The following GRAMD1C variants were observed in gnomAD, a reference collection of about 807,000 sequenced individuals.
GRAMD1C encodes the protein GRAM domain containing 1C, also known as protein Aster-C.
In GRAMD1C, 89 loss-of-function variants were observed where a neutral mutation model predicts 97.8. That is an observed-to-expected ratio of 0.91 (90% confidence interval 0.77 to 1.09). The LOEUF (loss-of-function observed/expected upper bound fraction) is 1.09. GRAMD1C is among the 50% of genes least tolerant of loss of function. The pLI is 0.00. For missense variants in GRAMD1C, 740 were observed against 766.4 expected, an observed-to-expected ratio of 0.97 and a Z score of 0.41; for synonymous variants, 256 against 267.0, an observed-to-expected ratio of 0.96 and a Z score of 0.40.
chr3:113,932,915 C>A (rs564933491), intron 11 of GRAMD1C, among the ~76,000 whole-genome samples: 73 of 144,396 alleles, frequency 5.1e-4, no homozygotes, highest in Non-Finnish European at 8.8e-4. Flanking sequence ...CAGAGTCTTG[C>A]TGTGTCTCCC....
intron 13 of GRAMD1C, among the ~76,000 whole-genome samples, chr3:113,935,501 T>C (rs6780445): frequency 0.059 from 6,193 of 105,610 alleles, 418 homozygotes; most frequent in African/African-American, 0.17. Context: ...TATATATATA[T>C]ACACACACAC....
At chr3:113,920,448 T>A (rs1016537907) in intron 10 of GRAMD1C, among the ~76,000 whole-genome samples, 1 of 152,250 alleles carries the variant, frequency 6.6e-6, no homozygotes, top group African/African-American at 2.4e-5. Flanking sequence ...TTGTTTTTAC[T>A]TCACACTTTG....
intron 6 of GRAMD1C, among the ~76,000 whole-genome samples, chr3:113,892,699 A>G (rs1193811202): frequency 6.6e-6 from 1 of 152,196 alleles, no homozygotes; most frequent in East Asian, 1.9e-4. Context: ...AGCATTGAAT[A>G]TCTGGGATTT....
chr3:113,936,484 T>C, intron 14 of GRAMD1C, 42 bp downstream of exon 14: 2 of 1,327,596 alleles, frequency 1.5e-6, no homozygotes, highest in East Asian at 2.3e-5. Flanking sequence ...ATTTTTACTT[T>C]AGTTATATGA....
intron 6 of GRAMD1C, among the ~76,000 whole-genome samples, chr3:113,894,316 T>C (rs1476699234): frequency 2.0e-5 from 3 of 152,132 alleles, no homozygotes; most frequent in Non-Finnish European, 4.4e-5. Flanking sequence ...TCTTGCTCTG[T>C]TGCCCAGGCT....
Position 113,916,049 on chromosome 3 carries a change from A to G in GRAMD1C, c.1090+211A>G, listed in dbSNP as rs573817949. ...TTTAATTAGGCACATGCTTCCAACA[A>G]TTAAGTTCAGACTTTTGAAAACTAA... On this transcript the variant is annotated intron_variant, in intron 10 of 17. Coordinates refer to ENST00000358160, the MANE Select transcript of GRAMD1C (RefSeq NM_017577.5). Among the ~76,000 whole-genome samples the G allele has an allele frequency of 4.6e-5, 7 of 152,358 alleles. 1 individual carries two copies. In the East Asian group the frequency reaches 1.3e-3, roughly 29 times the overall value.
chr3:113,839,583 C>G (rs1412596911), intron 1 of GRAMD1C, among the ~76,000 whole-genome samples: 1 of 152,060 alleles, frequency 6.6e-6, no homozygotes, highest in Admixed American at 6.6e-5. Flanking sequence ...TGGAGGTACA[C>G]AAATAATTGT....
chr3:113,844,433 A>G, intron 1 of GRAMD1C, 70 bp from the exon 2 acceptor site: 1 of 1,031,522 alleles, frequency 9.7e-7, no homozygotes, highest in Non-Finnish European at 1.5e-6. Flanking sequence ...TGTTGTGAAC[A>G]TTAACTTTTT....
intron 9 of GRAMD1C, among the ~76,000 whole-genome samples, chr3:113,911,195 CGAGA>C (rs149664231): frequency 3.3e-5 from 5 of 149,902 alleles, no homozygotes; most frequent in Admixed American, 6.6e-5. Context: ...CACACGCACA[CGAGA>C]GAGAGAGAGA....
rs1936789769 is a variant in GRAMD1C, at chr3:113,915,771, A to G, written c.1023A>G (p.Arg341=). 1 of 1,609,946 alleles carries G rather than the reference A, an allele frequency of 6.2e-7. No homozygotes were observed. Among genetic ancestry groups the G allele is most frequent in the African/African-American group, 1.3e-5 (1 of 74,848 alleles). Residue 341 remains arginine (R), a synonymous_variant, in exon 10 of 18, where the codon AGA becomes AGG. Coordinates refer to ENST00000358160, the MANE Select transcript of GRAMD1C (RefSeq NM_017577.5). ...GTATTTTTCATATCAGTGCTGACAG[A>G]ATGTTTGAATTGCTCTTTACCAGTT... The part of the protein sequence containing the change: ...INRIFHISAD[R]MFELLFTSSR...
chr3:113,833,826 T>C (rs1233051384), upstream of GRAMD1C, among the ~76,000 whole-genome samples: 2 of 152,224 alleles, frequency 1.3e-5, no homozygotes, highest in African/African-American at 4.8e-5. Context: ...TTCTGACAGC[T>C]CTTGCCACCT....
intron 12 of GRAMD1C, among the ~76,000 whole-genome samples, chr3:113,934,094 C>T (rs1210999339): frequency 6.6e-6 from 1 of 152,168 alleles, no homozygotes; most frequent in Non-Finnish European, 1.5e-5. Context: ...TAGTTACTTT[C>T]ACCTAGTGTA....
chr3:113,869,206 A>G (rs527458403), intron 2 of GRAMD1C, among the ~76,000 whole-genome samples: 2 of 152,142 alleles, frequency 1.3e-5, no homozygotes, highest in South Asian at 4.1e-4. Flanking sequence ...TTTCATGAAC[A>G]AATACTTCTC....
chr3:113,828,958 A>G (rs1433788614), intron 1 of GRAMD1C, among the ~76,000 whole-genome samples: 1 of 152,108 alleles, frequency 6.6e-6, no homozygotes, highest in Non-Finnish European at 1.5e-5. Context: ...TTTAATCTCA[A>G]CTAGATTTAC....
chr3:113,900,012 G>A (rs777341572), intron 6 of GRAMD1C, among the ~76,000 whole-genome samples: 1 of 152,098 alleles, frequency 6.6e-6, no homozygotes, highest in Non-Finnish European at 1.5e-5. Context: ...AAGCTGACAG[G>A]GCTGAACGGT....
chr3:113,870,263 T>C (rs903781576), intron 3 of GRAMD1C, among the ~76,000 whole-genome samples: 4 of 151,696 alleles, frequency 2.6e-5, no homozygotes, highest in African/African-American at 9.7e-5. Context: ...CTCAAGAGGC[T>C]GAGATGAGAG....
intron 10 of GRAMD1C, chr3:113,920,125 G>T (rs532898192): frequency 1.4e-6 from 2 of 1,389,138 alleles, no homozygotes; most frequent in Non-Finnish European, 2.0e-6. Flanking sequence ...AAAAACTGAG[G>T]AAACAGAGAA....
chr3:113,901,192 C>T (rs758404165), intron 7 of GRAMD1C, 46 bp downstream of exon 7: 26 of 964,454 alleles, frequency 2.7e-5, no homozygotes, highest in African/African-American at 1.9e-4. Flanking sequence ...AATTATTAAT[C>T]AAAGCAGAAT....
chr3:113,901,283 G>A (rs1198821530), intron 7 of GRAMD1C, 137 bp downstream of exon 7: 5 of 585,202 alleles, frequency 8.5e-6, no homozygotes, highest in Non-Finnish European at 1.6e-5. Context: ...GTGGTGGAAT[G>A]GGGTGAAAGG....
Sources: gnomAD v4.1 joint callset for allele counts (sites outside exome capture counted in the v4.1 genomes callset) on GRCh38, gnomAD v4.1.1 for gene constraint, MANE v1.5 for transcripts, NCBI Gene and HGNC (gene_info 2026-07-23, HGNC 2026-07-21) for gene names.